The following ATL1 variants were observed in gnomAD, a reference collection of about 807,000 sequenced individuals.
The protein encoded by ATL1 is atlastin-1.
In ATL1, 31 loss-of-function variants were observed where a neutral mutation model predicts 75.5. The ratio of observed to expected loss-of-function variants is 0.41; its 90% confidence interval spans 0.31 to 0.55. The LOEUF (loss-of-function observed/expected upper bound fraction) is 0.55, where lower values mean the gene tolerates loss of function less well. ATL1 is among the 20% of genes least tolerant of loss of function. The pLI, the probability that ATL1 is intolerant of heterozygous loss-of-function variation, is 0.27. For missense variants in ATL1, 405 were observed against 662.6 expected (o/e 0.61, Z 4.27); for synonymous variants, 226 against 233.3 (o/e 0.97, Z 0.28).
At chr14:50,599,789 G>A (rs1222360048) in intron 6 of ATL1, among the ~76,000 whole-genome samples, 1 of 152,104 alleles carries the variant, frequency 6.6e-6, no homozygotes, top group Non-Finnish European at 1.5e-5. Context: ...ATGAATAGTT[G>A]AGGAATGGGA....
At chr14:50,569,418 C>CA (rs35548036) in intron 1 of ATL1, among the ~76,000 whole-genome samples, 1,559 of 118,412 alleles carry the variant, frequency 0.013, 41 homozygotes, top group African/African-American at 0.034. Flanking sequence ...GACTCTGTCT[C>CA]AAAAAAAAAA....
chr14:50,537,854 C>G (rs1254264063), intron 1 of ATL1, among the ~76,000 whole-genome samples: 1 of 152,188 alleles, frequency 6.6e-6, no homozygotes, highest in Non-Finnish European at 1.5e-5. Flanking sequence ...AAGTAACTAA[C>G]CTGCTTTTGA....
chr14:50,559,398 A>G (rs2140171664), upstream of ATL1: 1 of 152,394 alleles, frequency 6.6e-6, no homozygotes, highest in South Asian at 2.1e-4. Flanking sequence ...GAGAGAAAGC[A>G]GTGAAAAGGG....
At chr14:50,593,038 T>C (rs2039178097) in intron 4 of ATL1, among the ~76,000 whole-genome samples, 1 of 151,174 alleles carries the variant, frequency 6.6e-6, no homozygotes, top group Non-Finnish European at 1.5e-5. Flanking sequence ...AATACACACA[T>C]TGTATAAGCC....
chr14:50,561,903 A>G (rs2038849960), intron 1 of ATL1, among the ~76,000 whole-genome samples: 1 of 152,190 alleles, frequency 6.6e-6, no homozygotes, highest in African/African-American at 2.4e-5. Context: ...GGGTGCGTAT[A>G]TTCAAGTCAC....
At chr14:50,560,553 C>A in intron 1 of ATL1, 1 of 543,452 alleles carries the variant, frequency 1.8e-6, no homozygotes, top group South Asian at 2.0e-5. Flanking sequence ...CTTCCCCACC[C>A]CCCTCCCGCC....
intron 1 of ATL1, among the ~76,000 whole-genome samples, chr14:50,544,493 G>T (rs2038603243): frequency 6.6e-6 from 1 of 152,184 alleles, no homozygotes. Context: ...AAAGTCTGCT[G>T]GAGTGCTTCT....
At chr14:50,548,960 G>A (rs551203496) in intron 1 of ATL1, among the ~76,000 whole-genome samples, 3 of 152,266 alleles carry the variant, frequency 2.0e-5, no homozygotes, top group South Asian at 4.1e-4. Context: ...AAAGGTGGGT[G>A]GAAGGCTTTC....
Position 50,570,307 on chromosome 14 carries a change from T to C in ATL1, c.34+10008T>C, listed in dbSNP as rs527538581. 2.0e-5 allele frequency among the ~76,000 whole-genome samples: 3 copies of C among 152,324 alleles called. No individual in the cohort carries two copies. The South Asian group carries it at 6.2e-4, about 32-fold the overall frequency. ...TAATCTTCAAGTTTGCTGATTTTTTTTGTCTGCTCAAATCTGTCTCTGACT... is the reference window on the plus strand; with the variant it reads ...TAATCTTCAAGTTTGCTGATTTTTTCTGTCTGCTCAAATCTGTCTCTGACT... On this transcript the variant is annotated intron_variant, in intron 1 of 13. Coordinates refer to ENST00000358385, the MANE Select transcript of ATL1 (RefSeq NM_015915.5).
intron 1 of ATL1, among the ~76,000 whole-genome samples, chr14:50,539,437 G>A (rs376012835): frequency 6.6e-6 from 1 of 152,222 alleles, no homozygotes. Flanking sequence ...CAGCTTTGAA[G>A]AAATCCATTA....
At chr14:50,544,665 G>T (rs1332961474) in intron 1 of ATL1, among the ~76,000 whole-genome samples, 1 of 152,124 alleles carries the variant, frequency 6.6e-6, no homozygotes, top group Admixed American at 6.5e-5. Flanking sequence ...GGGCGATGGT[G>T]GCTCACACTT....
At chr14:50,629,904 A>C in intron 12 of ATL1, 91 bp from the exon 13 acceptor site, 1 of 1,028,682 alleles carries the variant, frequency 9.7e-7, no homozygotes, top group Non-Finnish European at 1.4e-6. Context: ...AATGCTCACA[A>C]ATTAATATTG....
intron 1 of ATL1, among the ~76,000 whole-genome samples, chr14:50,574,511 T>C (rs889015905): frequency 6.6e-6 from 1 of 152,162 alleles, no homozygotes; most frequent in Non-Finnish European, 1.5e-5. Flanking sequence ...ATCATCCATT[T>C]TCAATATAGC....
At chr14:50,598,887 G>A (rs1425983360) in intron 6 of ATL1, among the ~76,000 whole-genome samples, 1 of 143,254 alleles carries the variant, frequency 7.0e-6, no homozygotes, top group Non-Finnish European at 1.6e-5. Flanking sequence ...GGAAAAACAA[G>A]TTCACTATTT....
In ATL1 at chr14:50,573,488, G is replaced by A. The variant is rs1302707510; in HGVS notation, c.34+13189G>A. 2.6e-5 allele frequency among the ~76,000 whole-genome samples: 4 copies of A among 152,288 alleles called. No homozygotes were observed. The East Asian group carries it at 7.7e-4, about 29-fold the overall frequency. On this transcript the variant is annotated intron_variant, in intron 1 of 13. Transcript: ENST00000358385. ...TGGCTACTGGCTACAATACTGAGCA[G>A]TTCATGTTCATAGAACACCCATGCT...
At chr14:50,543,579 A>G (rs1446465530) in intron 1 of ATL1, among the ~76,000 whole-genome samples, 2 of 152,206 alleles carry the variant, frequency 1.3e-5, no homozygotes, top group Non-Finnish European at 2.9e-5. Context: ...GATCTTACCC[A>G]TCACTCAGGA....
At chr14:50,608,007 G>A (rs561259948) in intron 6 of ATL1, among the ~76,000 whole-genome samples, 3 of 152,148 alleles carry the variant, frequency 2.0e-5, no homozygotes, top group Non-Finnish European at 2.9e-5. Flanking sequence ...CCAAAGGGAC[G>A]CTAATAAAAT....
chr14:50,605,177 T>C (rs905627601), intron 6 of ATL1, among the ~76,000 whole-genome samples: 1 of 147,016 alleles, frequency 6.8e-6, no homozygotes, highest in Non-Finnish European at 1.5e-5. Flanking sequence ...AGATTCTTCA[T>C]TTTTTTTTTT....
intron 6 of ATL1, among the ~76,000 whole-genome samples, chr14:50,598,797 C>CAT (rs1220391538): frequency 6.6e-6 from 1 of 152,138 alleles, no homozygotes; most frequent in Non-Finnish European, 1.5e-5. Flanking sequence ...TAAATACACT[C>CAT]ATATATATAT....
Sources: gnomAD v4.1 joint callset for allele counts (sites outside exome capture counted in the v4.1 genomes callset) on GRCh38, gnomAD v4.1.1 for gene constraint, MANE v1.5 for transcripts, NCBI Gene and HGNC (gene_info 2026-07-23, HGNC 2026-07-21) for gene names.